FGF14: variants seen among roughly 807,000 people sequenced by gnomAD.
FGF14 encodes fibroblast growth factor homologous factor 4.
Under a neutral mutation model 25.5 loss-of-function variants are expected in FGF14, and 5 were observed. The observed-to-expected ratio is 0.20, with a 90% confidence interval of 0.10 to 0.41. The LOEUF is 0.41. Among genes scored for constraint, FGF14 ranks in the 10% least tolerant of loss-of-function variants. The probability of loss-of-function intolerance (pLI) is 1.00; values close to 1 mark genes in which losing one functional copy is unlikely to be tolerated. For synonymous variants in FGF14, 138 were observed against 118.3 expected (o/e 1.17, Z -1.08); for missense variants, 222 against 320.1 (o/e 0.69, Z 2.34).
chr13:101,938,477 T>A (rs1001061432), intron 1 of FGF14, among the ~76,000 whole-genome samples: 1 of 152,226 alleles, frequency 6.6e-6, no homozygotes, highest in Non-Finnish European at 1.5e-5. Flanking sequence ...GGAAAGAACA[T>A]TGATTTAGTT....
chr13:102,013,237 G>A (rs1046813349), intron 1 of FGF14, among the ~76,000 whole-genome samples: 4 of 152,014 alleles, frequency 2.6e-5, no homozygotes, highest in African/African-American at 9.7e-5. Flanking sequence ...GAAAAAGAAG[G>A]AAATGATGTA....
intron 1 of FGF14, among the ~76,000 whole-genome samples, chr13:101,951,638 G>A (rs2036174506): frequency 1.3e-5 from 2 of 152,074 alleles, no homozygotes; most frequent in African/African-American, 4.8e-5. Flanking sequence ...TGAGCTTGTT[G>A]ATTTTCAAAC....
At chr13:102,049,056 C>T (rs1170428302) in intron 1 of FGF14, among the ~76,000 whole-genome samples, 1 of 151,532 alleles carries the variant, frequency 6.6e-6, no homozygotes. Flanking sequence ...ACATATGTCT[C>T]CTGAGAAAAC....
intron 1 of FGF14, among the ~76,000 whole-genome samples, chr13:102,266,076 G>A (rs1311045424): frequency 6.6e-6 from 1 of 151,936 alleles, no homozygotes; most frequent in East Asian, 1.9e-4. Flanking sequence ...AAAAAATAAG[G>A]GACAACTCAT....
intron 1 of FGF14, among the ~76,000 whole-genome samples, chr13:102,234,127 G>C: frequency 6.6e-6 from 1 of 152,070 alleles, no homozygotes; most frequent in Non-Finnish European, 1.5e-5. Flanking sequence ...AGGTGGTGAT[G>C]GTTGTACACA....
chr13:101,988,190 C>T (rs949995914), intron 1 of FGF14, among the ~76,000 whole-genome samples: 16 of 151,820 alleles, frequency 1.1e-4, no homozygotes, highest in African/African-American at 3.9e-4. Flanking sequence ...ATCAAATCCG[C>T]AGATGTTAGT....
intron 3 of FGF14, among the ~76,000 whole-genome samples, chr13:101,777,038 T>C (rs1389803633): frequency 6.6e-6 from 1 of 152,194 alleles, no homozygotes; most frequent in Non-Finnish European, 1.5e-5. Flanking sequence ...GTTATTTGGC[T>C]TCTAGTTATA....
At chr13:101,880,076 T>C (rs1243591822) in intron 1 of FGF14, among the ~76,000 whole-genome samples, 1 of 152,186 alleles carries the variant, frequency 6.6e-6, no homozygotes, top group African/African-American at 2.4e-5. Flanking sequence ...ATTGACCCAA[T>C]GCTACCTCGA....
intron 1 of FGF14, among the ~76,000 whole-genome samples, chr13:102,200,356 G>A (rs775809562): frequency 8.5e-5 from 13 of 152,128 alleles, no homozygotes; most frequent in Non-Finnish European, 1.6e-4. Context: ...GATTTATTAT[G>A]TATGTATATT....
intron 1 of FGF14, among the ~76,000 whole-genome samples, chr13:102,307,022 A>C (rs2055423515): frequency 6.6e-6 from 1 of 152,032 alleles, no homozygotes; most frequent in African/African-American, 2.4e-5. Flanking sequence ...CTAATCCTAT[A>C]AAGTGGGCCC....
intron 1 of FGF14, chr13:102,299,690 G>T (rs1302718805): frequency 1.3e-5 from 2 of 152,200 alleles, no homozygotes; most frequent in Non-Finnish European, 2.9e-5. Flanking sequence ...GAGGTCTCAG[G>T]ATAGCATAGG....
intron 3 of FGF14, among the ~76,000 whole-genome samples, chr13:101,740,647 C>T (rs892371136): frequency 6.6e-6 from 1 of 151,706 alleles, no homozygotes; most frequent in Non-Finnish European, 1.5e-5. Context: ...TCAAATATTG[C>T]AGTTTTGTAT....
chr13:101,929,699 C>T (rs1381059932), intron 1 of FGF14, among the ~76,000 whole-genome samples: 1 of 151,958 alleles, frequency 6.6e-6, no homozygotes, highest in Non-Finnish European at 1.5e-5. Context: ...CATTATATGG[C>T]ATCTTTATTT....
rs980238915 is a variant in FGF14, at chr13:102,207,427, CA to C, written c.208+194043del. Among the ~76,000 whole-genome samples the C allele has an allele frequency of 2.0e-5, 3 of 150,960 alleles. 1 individual carries two copies. ...AAGTTTCTAAACTCAGGGAAATTGA[CA>C]AAAAATGGTCATCAAAGAAAGCCAT... On this transcript the variant is annotated intron_variant, in intron 1 of 4. Coordinates refer to the FGF14 transcript ENST00000376131.
intron 1 of FGF14, among the ~76,000 whole-genome samples, chr13:102,056,976 T>C (rs2042460420): frequency 6.6e-6 from 1 of 151,696 alleles, no homozygotes; most frequent in Admixed American, 6.6e-5. Context: ...TTTGACATAT[T>C]TTTATGACAT....
chr13:101,928,763 G>A (rs1408808675), intron 1 of FGF14, among the ~76,000 whole-genome samples: 1 of 152,138 alleles, frequency 6.6e-6, no homozygotes, highest in African/African-American at 2.4e-5. Flanking sequence ...CTCCATCACA[G>A]CTCTGTACTT....
chr13:102,285,012 G>T (rs990326279), intron 1 of FGF14, among the ~76,000 whole-genome samples: 4 of 152,012 alleles, frequency 2.6e-5, no homozygotes, highest in Non-Finnish European at 4.4e-5. Flanking sequence ...AGGAAAAGAA[G>T]AGTCACCAAA....
In FGF14 at chr13:102,302,871, A is replaced by C. The variant is rs373919978; in HGVS notation, c.208+98600T>G. The stretch of plus-strand genomic sequence containing the variant: ...TTTCATTCTAAATCTGGCCCCTGCC[A>C]TCTATTCCTACACAATAGCCAGAGT... On this transcript the variant is annotated intron_variant, in intron 1 of 4. Coordinates refer to the FGF14 transcript ENST00000376131. Among the ~76,000 whole-genome samples, 253 of 152,244 alleles carry C rather than the reference A, an allele frequency of 1.7e-3. 2 individuals are homozygous for C. Among genetic ancestry groups the C allele is most frequent in the African/African-American group, 5.6e-3 (233 of 41,564 alleles).
intron 1 of FGF14, among the ~76,000 whole-genome samples, chr13:102,252,097 G>T (rs1049762695): frequency 6.6e-6 from 1 of 152,152 alleles, no homozygotes; most frequent in Non-Finnish European, 1.5e-5. Context: ...TAGGAAGGAA[G>T]ATAGCTGGGA....
Sources: gnomAD v4.1 joint callset for allele counts (sites outside exome capture counted in the v4.1 genomes callset) on GRCh38, gnomAD v4.1.1 for gene constraint, MANE v1.5 for transcripts, NCBI Gene and HGNC (gene_info 2026-07-23, HGNC 2026-07-21) for gene names.